The following CPA4 variants were observed in gnomAD, a reference collection of about 807,000 sequenced individuals.
The protein encoded by CPA4 is carboxypeptidase A4.
Under a neutral mutation model 54.7 loss-of-function variants are expected in CPA4, and 49 were observed. The observed-to-expected ratio is 0.90, with a 90% CI of 0.71 to 1.14. The LOEUF is 1.14. CPA4 is among the 50% of genes most tolerant of loss of function. The pLI is 0.00. For missense variants in CPA4, 487 were observed against 525.1 expected (o/e 0.93, Z 0.71); for synonymous variants, 215 against 206.8 (o/e 1.04, Z -0.34).
intron 4 of CPA4, among the ~76,000 whole-genome samples, chr7:130,302,897 G>A (rs1278306062): frequency 2.0e-5 from 3 of 152,186 alleles, no homozygotes; most frequent in Admixed American, 2.0e-4. Flanking sequence ...CCAAGGCAGA[G>A]ATGGGGCTCT....
chr7:130,297,341 G>T (rs1035237242), intron 1 of CPA4, among the ~76,000 whole-genome samples: 1 of 152,120 alleles, frequency 6.6e-6, no homozygotes. Flanking sequence ...TCTTCCCAGG[G>T]CGGTAGGTCC....
At chr7:130,307,265 A>G (rs983031487) in intron 7 of CPA4, among the ~76,000 whole-genome samples, 3 of 151,980 alleles carry the variant, frequency 2.0e-5, no homozygotes, top group Non-Finnish European at 4.4e-5. Context: ...AAAAAACCCT[A>G]TGGCACTACT....
intron 7 of CPA4, 88 bp from the exon 8 acceptor site, chr7:130,308,219 C>CCCTG (rs1793855014): frequency 1.8e-6 from 2 of 1,111,660 alleles, no homozygotes; most frequent in Admixed American, 1.7e-5. Flanking sequence ...AAGCAGCCTG[C>CCCTG]CCTGCCTGCG....
At chr7:130,320,442 C>G (rs1794073299) in intron 10 of CPA4, among the ~76,000 whole-genome samples, 1 of 152,130 alleles carries the variant, frequency 6.6e-6, no homozygotes. Context: ...ACTTCTGCTA[C>G]CATTGCTTTT....
intron 10 of CPA4, among the ~76,000 whole-genome samples, chr7:130,319,756 G>A (rs1264060246): frequency 6.6e-6 from 1 of 152,214 alleles, no homozygotes; most frequent in Non-Finnish European, 1.5e-5. Context: ...TCTTGGAGCT[G>A]CTCTCAGAAG....
intron 7 of CPA4, 33 bp from the exon 8 acceptor site, chr7:130,308,274 G>A: frequency 6.3e-7 from 1 of 1,575,266 alleles, no homozygotes; most frequent in Non-Finnish European, 8.7e-7. Context: ...ATCTGCCTCT[G>A]GTTGTTTGTC....
rs150916793 is a variant in CPA4 at position 130,302,721 on chromosome 7, C to A, written c.385-1757C>A. Among the ~76,000 whole-genome samples the A allele has an allele frequency of 2.0e-3, 306 of 152,276 alleles. 1 individual carries two copies. Among genetic ancestry groups the A allele is most frequent in the African/African-American group, 6.9e-3 (287 of 41,556 alleles). ...TTCTCTCAAAGCTCAAGGCAGCTAT[C>A]CTGCTTTTCCTCCACTCCCTAGGGT... On this transcript the variant is annotated intron_variant, in intron 4 of 10. Coordinates refer to ENST00000222482, the MANE Select transcript of CPA4 (RefSeq NM_016352.4).
In CPA4 at chr7:130,312,097, A is replaced by G. The variant is rs763536036; in HGVS notation, c.1053A>G (p.Gln351=). 34 of 1,613,842 alleles carry G rather than the reference A, an allele frequency of 2.1e-5. No individual in the cohort carries two copies. Among genetic ancestry groups the G allele is most frequent in the Non-Finnish European group, 2.9e-5 (34 of 1,179,856 alleles). ...CTTCTGTGTCGGGCACTGAGTACCA[A>G]GTGGGTCCCACCTGCACCACTGTCT... ...ALASVSGTEY[Q]VGPTCTTVYP... is the part of the protein sequence containing the mutation. Residue 351 remains glutamine (Q), a synonymous_variant, in exon 10 of 11, where the codon CAA becomes CAG. Transcript: ENST00000222482.
At chr7:130,299,491 G>C in intron 3 of CPA4, 87 bp downstream of exon 3, 1 of 1,263,074 alleles carries the variant, frequency 7.9e-7, no homozygotes, top group Admixed American at 2.0e-5. Context: ...GCAAGTTCTG[G>C]TTTTATCCTT....
At chr7:130,300,708 T>C in intron 3 of CPA4, 108 bp from the exon 4 acceptor site, 1 of 695,278 alleles carries the variant, frequency 1.4e-6, no homozygotes, top group Non-Finnish European at 2.6e-6. Flanking sequence ...CTGCTTGATA[T>C]GCTGAAAGGG....
chr7:130,303,873 C>A (rs1464007269), intron 4 of CPA4, among the ~76,000 whole-genome samples: 1 of 151,852 alleles, frequency 6.6e-6, no homozygotes, highest in East Asian at 1.9e-4. Context: ...AACTCCTGGG[C>A]TCAAGTGATT....
At chr7:130,313,858 G>A (rs917478665) in intron 10 of CPA4, among the ~76,000 whole-genome samples, 1 of 152,206 alleles carries the variant, frequency 6.6e-6, no homozygotes, top group African/African-American at 2.4e-5. Flanking sequence ...AATACAGGTG[G>A]AGATATGGAA....
chr7:130,312,128 T>C lies in CPA4; in HGVS notation c.1078+6T>C, dbSNP rs1269901609. On this transcript the variant is annotated splice_donor_region_variant and intron_variant, in intron 10 of 10. Transcript: ENST00000222482. Reference sequence around the variant, plus strand: ...TCCCACCTGCACCACTGTCTGTAAGTACTCGCTTATTTATGAGTTATTTAG... The same window carrying C: ...TCCCACCTGCACCACTGTCTGTAAGCACTCGCTTATTTATGAGTTATTTAG... The C allele has an allele frequency of 6.2e-7, 1 of 1,601,510 alleles. No homozygotes were observed. The highest frequency in any genetic ancestry group is 1.1e-5 in the South Asian group (1 of 90,834).
intron 10 of CPA4, among the ~76,000 whole-genome samples, chr7:130,315,273 C>A (rs185766841): frequency 9.7e-4 from 148 of 152,132 alleles, no homozygotes; most frequent in African/African-American, 3.5e-3. Flanking sequence ...CAGGGCTTGA[C>A]TCTGAGGTGG....
At chr7:130,312,879 A>G (rs1793935174) in intron 10 of CPA4, among the ~76,000 whole-genome samples, 1 of 152,154 alleles carries the variant, frequency 6.6e-6, no homozygotes, top group African/African-American at 2.4e-5. Flanking sequence ...ATCTCTGATC[A>G]GAGCGGAGAT....
chr7:130,323,034 C>T lies in CPA4; in HGVS notation c.*358C>T, dbSNP rs1309746766. ...AACATCTGAGATGATTCTCTACCCT[C>T]ATCCACATCTAGCCAAGCCAGTGAC... On this transcript the variant is annotated 3_prime_UTR_variant, in exon 11 of 11. Transcript: ENST00000222482. The T allele has an allele frequency of 1.0e-5, 2 of 191,468 alleles. No individual in the cohort carries two copies. Among genetic ancestry groups the T allele is most frequent in the Non-Finnish European group, 2.2e-5 (2 of 92,850 alleles). 11.9% of individuals were successfully genotyped at this position (191,468 alleles called of 1,614,324 possible). A position where few individuals can be genotyped will look rare whatever the true frequency, so the allele number is the denominator to read the frequency against.
chr7:130,313,247 A>G (rs185628746), intron 10 of CPA4, among the ~76,000 whole-genome samples: 3 of 152,314 alleles, frequency 2.0e-5, no homozygotes, highest in Admixed American at 6.5e-5. Context: ...AAAAAGGTTG[A>G]TTAGGCAGGG....
intron 8 of CPA4, among the ~76,000 whole-genome samples, chr7:130,309,519 T>C (rs1450252920): frequency 6.6e-6 from 1 of 152,210 alleles, no homozygotes; most frequent in Non-Finnish European, 1.5e-5. Context: ...ACCTGGGCTC[T>C]GAGTGCCAGC....
At chr7:130,314,447 G>T (rs1793959144) in intron 10 of CPA4, among the ~76,000 whole-genome samples, 1 of 152,200 alleles carries the variant, frequency 6.6e-6, no homozygotes. Flanking sequence ...GCTCCTTTCT[G>T]GAATTTATAA....
Sources: allele counts gnomAD v4.1 joint callset (sites outside exome capture counted in the v4.1 genomes callset), GRCh38; gene constraint gnomAD v4.1.1; transcripts MANE v1.5; gene names NCBI Gene and HGNC (gene_info 2026-07-23, HGNC 2026-07-21).